PDILT: variants seen among roughly 807,000 people sequenced by gnomAD.
The protein encoded by PDILT is protein disulfide-isomerase-like protein of the testis.
PDILT carries 43 observed loss-of-function variants against 53.7 expected under a neutral mutation model. The ratio of observed to expected loss-of-function variants is 0.80; its 90% CI spans 0.63 to 1.03. The LOEUF is 1.03. PDILT is among the 50% of genes least tolerant of loss of function. PDILT has a pLI of 0.00. For missense variants in PDILT, 727 were observed against 712.3 expected (o/e 1.02, Z -0.24); for synonymous variants, 282 against 274.2 (o/e 1.03, Z -0.28).
intron 2 of PDILT, among the ~76,000 whole-genome samples, chr16:20,388,317 G>C (rs1567329250): frequency 6.6e-6 from 1 of 152,244 alleles, no homozygotes; most frequent in East Asian, 1.9e-4. Flanking sequence ...ACAATCCTGT[G>C]AGTTATCTGT....
chr16:20,386,432 G>T (rs928159195), intron 2 of PDILT, among the ~76,000 whole-genome samples: 3 of 152,188 alleles, frequency 2.0e-5, no homozygotes, highest in African/African-American at 7.2e-5. Flanking sequence ...TCCATCTGGA[G>T]CACTTGGAGA....
intron 1 of PDILT, among the ~76,000 whole-genome samples, chr16:20,403,440 C>T (rs1386538005): frequency 1.3e-5 from 2 of 152,128 alleles, no homozygotes; most frequent in Non-Finnish European, 2.9e-5. Context: ...CAGGCACCCG[C>T]CACCATGCCC....
At position 20,369,629 on chromosome 16, in the gene PDILT, G is replaced by A. The variant is rs199754421; in HGVS notation, c.979C>T (p.Arg327Trp). ...PRNGRVFKYFRVTEVDIPSVQ... is the reference protein window; with the variant it reads ...PRNGRVFKYFWVTEVDIPSVQ... ...GATGGGATATCGACCTCTGTGACCCGGAAGTACTTGAAGACACGTCCATTT... is the reference window on the plus strand; with the variant it reads ...GATGGGATATCGACCTCTGTGACCCAGAAGTACTTGAAGACACGTCCATTT... Residue 327 changes from arginine to tryptophan, a missense_variant, in exon 8 of 12, where the codon CGG (arginine) becomes TGG (tryptophan). Physicochemically the swap from Arg to Trp is moderately radical, Grantham distance 101 (BLOSUM62 -3). Transcript: ENST00000302451. 14 of 1,614,162 alleles carry A rather than the reference G, an allele frequency of 8.7e-6. No individual in the cohort carries two copies. The highest frequency in any genetic ancestry group is 1.6e-4 in the Middle Eastern group (1 of 6,062).
intron 7 of PDILT, among the ~76,000 whole-genome samples, chr16:20,370,352 A>G (rs1409446345): frequency 1.3e-5 from 2 of 152,234 alleles, no homozygotes; most frequent in African/African-American, 2.4e-5. Flanking sequence ...AGACAATAAA[A>G]CAGGGCAATG....
intron 2 of PDILT, among the ~76,000 whole-genome samples, chr16:20,390,217 C>G (rs1251416386): frequency 6.6e-6 from 1 of 152,110 alleles, no homozygotes; most frequent in East Asian, 1.9e-4. Context: ...CAGGGGCCAG[C>G]CACCAATTTG....
intron 2 of PDILT, among the ~76,000 whole-genome samples, chr16:20,392,998 G>A (rs1326505178): frequency 1.3e-5 from 2 of 152,190 alleles, no homozygotes; most frequent in Admixed American, 1.3e-4. Flanking sequence ...TTATGTGTTT[G>A]TGTAAATGTA....
intron 2 of PDILT, among the ~76,000 whole-genome samples, chr16:20,393,399 C>A (rs1482495355): frequency 1.3e-5 from 2 of 152,162 alleles, no homozygotes; most frequent in African/African-American, 4.8e-5. Flanking sequence ...AGGGAGGTCA[C>A]AAGCTTGGAA....
chr16:20,395,013 A>G (rs1966645581), intron 2 of PDILT, among the ~76,000 whole-genome samples: 1 of 152,120 alleles, frequency 6.6e-6, no homozygotes, highest in Non-Finnish European at 1.5e-5. Context: ...TAGAGCAAAG[A>G]AGAAGTTTGA....
At chr16:20,372,050 T>C (rs1966314903) in intron 7 of PDILT, among the ~76,000 whole-genome samples, 1 of 152,184 alleles carries the variant, frequency 6.6e-6, no homozygotes, top group African/African-American at 2.4e-5. Flanking sequence ...TGATTATACT[T>C]CCTATAAAGA....
At chr16:20,378,528 G>A (rs567252510) in intron 3 of PDILT, among the ~76,000 whole-genome samples, 1 of 152,194 alleles carries the variant, frequency 6.6e-6, no homozygotes, top group East Asian at 1.9e-4. Context: ...GTGCCACGGT[G>A]CTTTGCTGTA....
intron 3 of PDILT, among the ~76,000 whole-genome samples, chr16:20,380,771 T>C (rs188110802): frequency 2.1e-4 from 32 of 152,366 alleles, no homozygotes; most frequent in Non-Finnish European, 4.1e-4. Context: ...GAAATCTTTC[T>C]AGAATGAATG....
intron 5 of PDILT, among the ~76,000 whole-genome samples, chr16:20,374,016 C>T (rs1396073638): frequency 6.6e-6 from 1 of 152,024 alleles, no homozygotes; most frequent in Non-Finnish European, 1.5e-5. Context: ...GTGGTTTAAT[C>T]AGCACACTGC....
At position 20,362,579 on chromosome 16, in the gene PDILT, G is replaced by A. The variant is rs541369003; in HGVS notation, c.1241C>T (p.Ala414Val). The change falls in exon 10 of 12, where the codon GCA becomes GTA. Residue 414 changes from alanine to valine, a missense_variant. Ala to Val is a moderately conservative substitution (Grantham distance 64, BLOSUM62 0). Coordinates refer to ENST00000302451, the MANE Select transcript of PDILT (RefSeq NM_174924.2). ...CATCTTGCACTTTTTAGACCAGGGT[G>A]CATCTGGAAGAGAAGGTCCATGGCT... ...KEKDVFVMFY[A>V]PWSKKCKMLF... is the part of the protein sequence containing the mutation. 4.3e-6 allele frequency: 7 copies of A among 1,613,922 alleles called. No homozygotes were observed. The highest frequency in any genetic ancestry group is 5.9e-6 in the Non-Finnish European group (7 of 1,179,968).
intron 7 of PDILT, among the ~76,000 whole-genome samples, chr16:20,371,430 C>T (rs182744661): frequency 1.3e-5 from 2 of 152,294 alleles, no homozygotes; most frequent in African/African-American, 2.4e-5. Context: ...ACTGTGTGCT[C>T]CTCTTCTAGG....
rs1488466093 is a variant in PDILT, at chr16:20,359,180, T to C, written c.*139A>G. 10 of 1,380,472 alleles carry C rather than the reference T, an allele frequency of 7.2e-6. No individual in the cohort carries two copies. The highest frequency in any genetic ancestry group is 9.8e-6 in the Non-Finnish European group (10 of 1,023,908). 85.5% of individuals were successfully genotyped at this position (1,380,472 alleles called of 1,614,324 possible). On this transcript the variant is annotated 3_prime_UTR_variant, in exon 12 of 12. Coordinates refer to ENST00000302451, the MANE Select transcript of PDILT (RefSeq NM_174924.2). ...ATGAGTAAAACAGAGCCAAGGACACTCAGAGGCTTTATTATCCACCCCTAC... is the reference window on the plus strand; with the variant it reads ...ATGAGTAAAACAGAGCCAAGGACACCCAGAGGCTTTATTATCCACCCCTAC...
chr16:20,392,543 C>G (rs1966617848), intron 2 of PDILT, among the ~76,000 whole-genome samples: 1 of 152,154 alleles, frequency 6.6e-6, no homozygotes, highest in South Asian at 2.1e-4. Flanking sequence ...TTTCATAGTG[C>G]TTTCCCCAAG....
intron 3 of PDILT, among the ~76,000 whole-genome samples, chr16:20,376,413 G>A (rs1202168983): frequency 1.3e-5 from 2 of 152,048 alleles, no homozygotes; most frequent in African/African-American, 4.8e-5. Flanking sequence ...ACTCAACAAG[G>A]CCCAGACACT....
At position 20,374,111 on chromosome 16, in the gene PDILT, C is replaced by CT. The variant is rs57756898; in HGVS notation, c.681+710dup. On this transcript the variant is annotated intron_variant, in intron 5 of 11. Coordinates refer to ENST00000302451, the MANE Select transcript of PDILT (RefSeq NM_174924.2). ...AGAACTTGCCACCATGCTTGAATAA[C>CT]TTTTTTTTTTTTAAAGATGTAGACT... Among the ~76,000 whole-genome samples, 1,403 of 146,266 alleles carry CT rather than the reference C, an allele frequency of 9.6e-3. 16 individuals carry two copies. The highest frequency in any genetic ancestry group is 0.03 in the African/African-American group (1,194 of 40,050).
At chr16:20,371,911 TG>T (rs1277609464) in intron 7 of PDILT, among the ~76,000 whole-genome samples, 1 of 152,202 alleles carries the variant, frequency 6.6e-6, no homozygotes, top group Non-Finnish European at 1.5e-5. Flanking sequence ...GAAAATAATG[TG>T]GTGGAATGTA....
Sources: gnomAD v4.1 joint callset for allele counts (sites outside exome capture counted in the v4.1 genomes callset) on GRCh38, gnomAD v4.1.1 for gene constraint, MANE v1.5 for transcripts, NCBI Gene and HGNC (gene_info 2026-07-23, HGNC 2026-07-21) for gene names.